The following ATP6AP2 variants were observed in gnomAD, a reference collection of about 807,000 sequenced individuals.
ATP6AP2 encodes the protein ATPase H+ transporting accessory protein 2.
In ATP6AP2, 1 loss-of-function variant was observed where a neutral mutation model predicts 23.4. The ratio of observed to expected loss-of-function variants is 0.04; its 90% CI spans 0.02 to 0.20. The LOEUF (loss-of-function observed/expected upper bound fraction) is 0.20, where lower values mean the gene tolerates loss of function less well. ATP6AP2 is among the 10% of genes least tolerant of loss of function. The pLI is 1.00. For missense variants in ATP6AP2, 174 were observed against 271.3 expected, an observed-to-expected ratio of 0.64 and a Z score of 2.52; for synonymous variants, 90 against 97.1, an observed-to-expected ratio of 0.93 and a Z score of 0.43.
rs181299977 is a variant in ATP6AP2, at chrX:40,584,941, C to T, written c.37+3839C>T. On this transcript the variant is annotated intron_variant, in intron 1 of 8. Coordinates refer to ENST00000636580, the MANE Select transcript of ATP6AP2 (RefSeq NM_005765.3). ...TGTATTTTTAGTAGAGATGAGGTTT[C>T]GCCATTATGGCCAGGCTGGTCTTGA... is the stretch of plus-strand genomic sequence containing the variant. Among the ~76,000 whole-genome samples, 1,104 of 111,964 alleles carry T rather than the reference C, an allele frequency of 9.9e-3. 13 individuals are homozygous for T. Among genetic ancestry groups the T allele is most frequent in the African/African-American group, 0.034 (1,051 of 30,850 alleles).
chrX:40,591,438 A>G, intron 3 of ATP6AP2, 73 bp downstream of exon 3: 1 of 1,052,607 alleles, frequency 9.5e-7, no homozygotes, highest in Non-Finnish European at 1.3e-6. Context: ...TATGAATTGC[A>G]TTCTAAACAT....
chrX:40,590,985 A>G (rs753442228), intron 2 of ATP6AP2: 4 of 331,308 alleles, frequency 1.2e-5, no homozygotes, highest in African/African-American at 2.6e-5. Context: ...TTTCCACAAA[A>G]GGTGTCAGAT....
At chrX:40,602,263 C>G (rs774034788) in intron 8 of ATP6AP2, among the ~76,000 whole-genome samples, 1 of 99,655 alleles carries the variant, frequency 1.0e-5, no homozygotes, top group Non-Finnish European at 1.9e-5. Context: ...GCCTGGGAGA[C>G]ACAGCAAGAC....
At chrX:40,598,455 A>T (rs1345523338) in intron 5 of ATP6AP2, 10 of 413,909 alleles carry the variant, frequency 2.4e-5, no homozygotes, top group Admixed American at 4.2e-5. Flanking sequence ...AAATATAGCT[A>T]TTGAGTGGCA....
intron 8 of ATP6AP2, 71 bp downstream of exon 8, chrX:40,600,952 C>G: frequency 1.1e-6 from 1 of 900,880 alleles, no homozygotes. Context: ...AAACCAAGTC[C>G]TATATCACCT....
intron 1 of ATP6AP2, among the ~76,000 whole-genome samples, chrX:40,582,534 T>C (rs1015456760): frequency 1.8e-5 from 2 of 112,032 alleles, no homozygotes; most frequent in African/African-American, 6.5e-5. Flanking sequence ...TCTTGAAATC[T>C]GCAGATCTCT....
chrX:40,594,576 C>T (rs1039817529), intron 3 of ATP6AP2, among the ~76,000 whole-genome samples: 20 of 112,497 alleles, frequency 1.8e-4, no homozygotes, highest in Non-Finnish European at 2.8e-4. Flanking sequence ...GATGGCTCAG[C>T]GCATGGATGG....
At chrX:40,589,145 G>A (rs765580133) in intron 2 of ATP6AP2, 29 bp downstream of exon 2, 1 of 1,200,960 alleles carries the variant, frequency 8.3e-7, no homozygotes, top group Non-Finnish European at 1.1e-6. Context: ...AATGTTTGGA[G>A]CTGCTTTTAA....
chrX:40,586,012 G>A (rs971624565), intron 1 of ATP6AP2, among the ~76,000 whole-genome samples: 1 of 111,297 alleles, frequency 9.0e-6, no homozygotes, highest in Non-Finnish European at 1.9e-5. Context: ...GACCAAAGGA[G>A]GTTTTTTATG....
chrX:40,589,146 C>G, intron 2 of ATP6AP2, 30 bp downstream of exon 2: 1 of 1,199,477 alleles, frequency 8.3e-7, no homozygotes, highest in Non-Finnish European at 1.1e-6. Flanking sequence ...ATGTTTGGAG[C>G]TGCTTTTAAG....
At chrX:40,597,432 A>C in intron 4 of ATP6AP2, 88 bp downstream of exon 4, 1 of 1,072,021 alleles carries the variant, frequency 9.3e-7, no homozygotes, top group Non-Finnish European at 1.3e-6. Flanking sequence ...TTATGAAAAT[A>C]TAAAACTAAT....
intron 1 of ATP6AP2, among the ~76,000 whole-genome samples, chrX:40,583,876 CAGG>C (rs1385998453): frequency 9.0e-6 from 1 of 111,492 alleles, no homozygotes; most frequent in Non-Finnish European, 1.9e-5. Context: ...AGATAGAATA[CAGG>C]AGAAGTGTGT....
chrX:40,581,824 A>AT (rs1334222587), intron 1 of ATP6AP2, among the ~76,000 whole-genome samples: 2 of 111,676 alleles, frequency 1.8e-5, no homozygotes, highest in African/African-American at 3.3e-5. Flanking sequence ...CTCTTACTGC[A>AT]TATCATGTGG....
chrX:40,597,584 C>A lies in ATP6AP2; in HGVS notation c.454C>A (p.Arg152Ser). Residue 152 changes from arginine to serine, a missense_variant, in exon 5 of 9, where the codon CGC (arginine) becomes AGC (serine). Transcript: ENST00000636580. ...GTTTGAAGACCTTTCAGTCACCTTG[C>A]GCCAGCTCCGTAATCGCCTGTTTCA... is the stretch of plus-strand genomic sequence containing the variant. ...SVFEDLSVTL[R>S]QLRNRLFQEN... The A allele has an allele frequency of 8.3e-7, 1 of 1,209,213 alleles. No homozygotes were observed. The highest frequency in any genetic ancestry group is 1.1e-6 in the Non-Finnish European group (1 of 893,126).
At chrX:40,604,648 A>G (rs1361642467) in intron 8 of ATP6AP2, among the ~76,000 whole-genome samples, 1 of 110,677 alleles carries the variant, frequency 9.0e-6, no homozygotes, top group African/African-American at 3.3e-5. Context: ...TTCTCCCTCT[A>G]CCCTCCCTCA....
chrX:40,602,506 C>T lies in ATP6AP2; in HGVS notation c.858+1625C>T, dbSNP rs780854116. ...TCTACTAAAAACACAAAAAATCAGC[C>T]GGGCGTGGTGGCGCACGCCTGTAGT... On this transcript the variant is annotated intron_variant, in intron 8 of 8. Coordinates refer to ENST00000636580, the MANE Select transcript of ATP6AP2 (RefSeq NM_005765.3). Among the ~76,000 whole-genome samples, 4 of 85,743 alleles carry T rather than the reference C, an allele frequency of 4.7e-5. 1 individual carries two copies. The highest frequency in any genetic ancestry group is 7.8e-4 in the East Asian group (2 of 2,554). The allele number at this position is 85,743 out of a possible 115,157, so 74.5% of individuals were successfully genotyped here.
At chrX:40,581,140 G>T in intron 1 of ATP6AP2, 38 bp downstream of exon 1, 1 of 1,118,699 alleles carries the variant, frequency 8.9e-7, no homozygotes. Flanking sequence ...GCCTGGGGAG[G>T]TCCTGCGCCG....
chrX:40,601,450 T>G (rs1455339990), intron 8 of ATP6AP2, among the ~76,000 whole-genome samples: 3 of 112,173 alleles, frequency 2.7e-5, no homozygotes, highest in Non-Finnish European at 5.6e-5. Context: ...TTGATTTACT[T>G]AACAGTTTTT....
intron 2 of ATP6AP2, 105 bp from the exon 3 acceptor site, chrX:40,591,129 G>C: frequency 1.5e-5 from 15 of 1,016,708 alleles, no homozygotes; most frequent in Non-Finnish European, 2.1e-5. Flanking sequence ...AATTTTCCTT[G>C]TCAGTGTCAT....
Sources: gnomAD v4.1 joint callset for allele counts (sites outside exome capture counted in the v4.1 genomes callset) on GRCh38, gnomAD v4.1.1 for gene constraint, MANE v1.5 for transcripts, NCBI Gene and HGNC (gene_info 2026-07-23, HGNC 2026-07-21) for gene names.